Variants in NBPF9 observed in about 807,000 individuals in gnomAD.
NBPF9 encodes NBPF family member NBPF9.
NBPF9 carries 91 observed loss-of-function variants against 97.8 expected under a neutral mutation model. That is an observed-to-expected ratio of 0.93 (90% CI 0.79 to 1.11). The LOEUF (loss-of-function observed/expected upper bound fraction) is 1.11. Ranked by LOEUF, NBPF9 falls within the 50% of genes least tolerant of loss-of-function variation. The probability of loss-of-function intolerance (pLI) is 0.00; values close to 1 mark genes in which losing one functional copy is unlikely to be tolerated. For missense variants in NBPF9, 992 were observed against 939.5 expected (o/e 1.06, Z -0.73); for synonymous variants, 334 against 359.5 (o/e 0.93, Z 0.80).
intron 5 of NBPF9, among the ~76,000 whole-genome samples, chr1:149,086,177 CTA>C (rs1421156139): frequency 6.7e-6 from 1 of 148,798 alleles, no homozygotes; most frequent in Non-Finnish European, 1.5e-5. Flanking sequence ...TATGAAGAAA[CTA>C]TCATGAGCAT....
intron 5 of NBPF9, among the ~76,000 whole-genome samples, chr1:149,085,538 A>G (rs1469161627): frequency 6.6e-6 from 1 of 152,198 alleles, no homozygotes; most frequent in Non-Finnish European, 1.5e-5. Flanking sequence ...TTGATGTAAT[A>G]TGCTAACAAA....
intron 4 of NBPF9, among the ~76,000 whole-genome samples, chr1:149,094,916 G>T (rs1434532246): frequency 6.8e-6 from 1 of 147,402 alleles, no homozygotes; most frequent in African/African-American, 2.7e-5. Context: ...GAAGCTGAGG[G>T]TAGCCTGGCT....
intron 5 of NBPF9, among the ~76,000 whole-genome samples, chr1:149,084,605 T>G (rs1223054055): frequency 6.6e-6 from 1 of 150,674 alleles, no homozygotes; most frequent in Non-Finnish European, 1.5e-5. Context: ...AACGGCCAGG[T>G]GGACACCTCC....
downstream of NBPF9, chr1:149,053,922 A>ACACACT (rs1471844795): frequency 1.4e-5 from 2 of 146,620 alleles, no homozygotes; most frequent in African/African-American, 5.2e-5. Flanking sequence ...ACAGACACAC[A>ACACACT]CACACTCACA....
chr1:149,097,726 G>A (rs1196318118), intron 4 of NBPF9, among the ~76,000 whole-genome samples: 1,604 of 151,542 alleles, frequency 0.011, 21 homozygotes, highest in South Asian at 0.044. Context: ...AGATTTACTC[G>A]TTATGGGGTC....
At chr1:149,062,755 T>A in intron 21 of NBPF9, 107 bp downstream of exon 21, 1 of 774,044 alleles carries the variant, frequency 1.3e-6, no homozygotes, top group Non-Finnish European at 2.4e-6. Flanking sequence ...GTAGGAGTAA[T>A]TCAACCTCCG....
intron 16 of NBPF9, 136 bp from the exon 17 acceptor site, chr1:149,069,781 G>C (rs1242201446): frequency 7.8e-6 from 5 of 640,514 alleles, no homozygotes; most frequent in East Asian, 2.8e-5. Context: ...ATATTCTAGG[G>C]TGTCCTAGAT....
chr1:149,089,842 G>T (rs1424108464), intron 5 of NBPF9, among the ~76,000 whole-genome samples: 1 of 152,280 alleles, frequency 6.6e-6, no homozygotes, highest in Non-Finnish European at 1.5e-5. Flanking sequence ...CTCAATTATG[G>T]GTTGAAGAGT....
At chr1:149,061,112 T>C in intron 23 of NBPF9, 1 of 402,466 alleles carries the variant, frequency 2.5e-6, no homozygotes, top group East Asian at 3.2e-5. Context: ...AATAGAGTTT[T>C]TGAAGTCTGG....
At chr1:149,067,997 T>C (rs1280728233) in intron 17 of NBPF9, among the ~76,000 whole-genome samples, 1 of 146,056 alleles carries the variant, frequency 6.8e-6, no homozygotes, top group Non-Finnish European at 1.5e-5. Flanking sequence ...AAAAGAATTT[T>C]CAACCAAGAA....
At position 149,103,431 on chromosome 1, in the gene NBPF9, C is replaced by T. The variant is rs1158740393; in HGVS notation, c.-973G>A. The stretch of plus-strand genomic sequence containing the variant: ...CGCGTTCCCAAAAGCACCGCGTTCA[C>T]TCAGAAGCTCACGCTGCCTCGCGAC... On this transcript the variant is annotated 5_prime_UTR_variant, in exon 1 of 30. In the 5' UTR this introduces an upstream ATG that the reference lacks. Coordinates refer to ENST00000584027, the Ensembl canonical transcript of NBPF9. The T allele has an allele frequency of 6.6e-6, 1 of 152,398 alleles. No individual in the cohort carries two copies. The highest frequency in any genetic ancestry group is 1.5e-5 in the Non-Finnish European group (1 of 68,270). 9.4% of individuals were successfully genotyped at this position (152,398 alleles called of 1,614,324 possible). A position where few individuals can be genotyped will look rare whatever the true frequency, so the allele number is the denominator to read the frequency against.
In NBPF9 at chr1:149,060,963, C is replaced by T. The variant is rs1170832053; in HGVS notation, c.2304-268G>A. On this transcript the variant is annotated intron_variant, in intron 23 of 29. Transcript: ENST00000584027. Reference sequence around the variant, plus strand: ...CAGAGAACGAGCTCAGTGAATTGTCCAGATGACACACTGATGAGGGAGTAA... The same window carrying T: ...CAGAGAACGAGCTCAGTGAATTGTCTAGATGACACACTGATGAGGGAGTAA... 3 of 415,914 alleles carry T rather than the reference C, an allele frequency of 7.2e-6. 1 individual carries two copies. Among genetic ancestry groups the T allele is most frequent in the African/African-American group, 2.7e-5 (1 of 36,510 alleles). 25.8% of individuals were successfully genotyped at this position (415,914 alleles called of 1,614,324 possible). A position where few individuals can be genotyped will look rare whatever the true frequency, so the allele number is the denominator to read the frequency against.
At position 149,082,423 on chromosome 1, in the gene NBPF9, G is replaced by T. The variant is rs2080555239; in HGVS notation, c.-187C>A. 1 of 929,730 alleles carries T rather than the reference G, an allele frequency of 1.1e-6. No individual in the cohort carries two copies. The highest frequency in any genetic ancestry group is 1.6e-6 in the Non-Finnish European group (1 of 630,080). The allele number at this position is 929,730 out of a possible 1,614,324, so 57.6% of individuals were successfully genotyped here. On this transcript the variant is annotated 5_prime_UTR_variant, in exon 6 of 30. It introduces an in-frame stop codon into an upstream open reading frame of the 5' UTR. Transcript: ENST00000584027. ...AGGTAGATTGTGGCCAGCGTGCCAGGTAACCGTCTGCAGTTGCAATAACAG... is the reference window on the plus strand; with the variant it reads ...AGGTAGATTGTGGCCAGCGTGCCAGTTAACCGTCTGCAGTTGCAATAACAG...
In NBPF9 at chr1:149,061,043, A is replaced by G. The variant is rs1413927961; in HGVS notation, c.2303+289T>C. The stretch of plus-strand genomic sequence containing the variant: ...CACACAGCATACAGGGATCATGAAA[A>G]GACTGAGCTCAATAATTTTCCATAA... On this transcript the variant is annotated intron_variant, in intron 23 of 29. Transcript: ENST00000584027. 38 of 420,310 alleles carry G rather than the reference A, an allele frequency of 9.0e-5. 9 individuals are homozygous for G. Among genetic ancestry groups the G allele is most frequent in the African/African-American group, 8.3e-4 (33 of 39,544 alleles). 26.0% of individuals were successfully genotyped at this position (420,310 alleles called of 1,614,324 possible).
chr1:149,095,255 T>C (rs1553661128), intron 4 of NBPF9, among the ~76,000 whole-genome samples: 1 of 151,196 alleles, frequency 6.6e-6, no homozygotes, highest in Admixed American at 6.6e-5. Context: ...CTAGAACAGC[T>C]GGACAACCAC....
intron 24 of NBPF9, chr1:149,060,067 T>C (rs2078500466): frequency 3.2e-6 from 1 of 316,790 alleles, no homozygotes; most frequent in Non-Finnish European, 5.8e-6. Context: ...TGCAAACAGT[T>C]ATGCCATATT....
chr1:149,072,937 G>T lies in NBPF9; in HGVS notation c.1092-5C>A. On this transcript the variant is annotated splice_region_variant and splice_polypyrimidine_tract_variant and intron_variant, in intron 13 of 29. Transcript: ENST00000584027. ...TGAACCAGGACTTTATATTGCCTAA[G>T]GTGAGATGGTAGAGAAAAATTAAGA... is the stretch of plus-strand genomic sequence containing the variant. 6.2e-7 allele frequency: 1 copy of T among 1,606,732 alleles called. No homozygotes were observed. Among genetic ancestry groups the T allele is most frequent in the Non-Finnish European group, 8.5e-7 (1 of 1,175,654 alleles).
intron 14 of NBPF9, among the ~76,000 whole-genome samples, 194 bp from the exon 15 acceptor site, chr1:149,071,870 G>C (rs1282009776): frequency 2.6e-5 from 4 of 151,424 alleles, no homozygotes; most frequent in African/African-American, 9.7e-5. Flanking sequence ...TGATCTGGAG[G>C]GCCACCATCA....
downstream of NBPF9, among the ~76,000 whole-genome samples, chr1:149,052,222 C>T (rs587678472): frequency 2.3e-4 from 35 of 151,408 alleles, no homozygotes; most frequent in African/African-American, 7.8e-4. Flanking sequence ...TAAACACAAA[C>T]CATTAAAGAA....
Sources: gnomAD v4.1 joint callset for allele counts (sites outside exome capture counted in the v4.1 genomes callset) on GRCh38, gnomAD v4.1.1 for gene constraint, MANE v1.5 for transcripts, NCBI Gene and HGNC (gene_info 2026-07-23, HGNC 2026-07-21) for gene names.